SIK3: variants seen among roughly 807,000 people sequenced by gnomAD.
The protein encoded by SIK3 is SIK family kinase 3, also known as serine/threonine-protein kinase SIK3.
In SIK3, 28 loss-of-function variants were observed where a neutral mutation model predicts 144.2. The observed-to-expected ratio is 0.19, with a 90% CI of 0.14 to 0.27. The LOEUF (loss-of-function observed/expected upper bound fraction) is 0.27. SIK3 is among the 10% of genes least tolerant of loss of function. The pLI, the probability that SIK3 is intolerant of heterozygous loss-of-function variation, is 1.00. For missense variants in SIK3, 1,319 were observed against 1,776.0 expected, an observed-to-expected ratio of 0.74 and a Z score of 4.62; for synonymous variants, 686 against 676.3, an observed-to-expected ratio of 1.01 and a Z score of -0.22.
At chr11:116,930,989 T>A (rs928239884) in intron 3 of SIK3, among the ~76,000 whole-genome samples, 10 of 152,206 alleles carry the variant, frequency 6.6e-5, no homozygotes, top group Admixed American at 2.0e-4. Context: ...AAAAAAATGG[T>A]TCTCCTGTTT....
At chr11:117,071,199 A>T (rs11216263) in intron 1 of SIK3, among the ~76,000 whole-genome samples, 12,158 of 151,338 alleles carry the variant, frequency 0.08, 628 homozygotes, top group African/African-American at 0.13. Context: ...AAAAAAAAAA[A>T]AATAACATGA....
intron 1 of SIK3, among the ~76,000 whole-genome samples, chr11:117,013,951 T>TGTGTGTGTGTGTGTGTGTG (rs1350690829): frequency 2.1e-5 from 2 of 95,360 alleles, no homozygotes; most frequent in East Asian, 2.7e-4. Context: ...TGTGTGTGTG[T>TGTGTGTGTGTGTGTGTGTG]TTTATTTCTT....
At chr11:116,923,140 T>C (rs1389186090) in intron 4 of SIK3, among the ~76,000 whole-genome samples, 1 of 152,120 alleles carries the variant, frequency 6.6e-6, no homozygotes, top group Non-Finnish European at 1.5e-5. Flanking sequence ...GGTCTCAAAC[T>C]CCTGACCTCA....
At chr11:117,023,700 A>G (rs1266381916) in intron 1 of SIK3, among the ~76,000 whole-genome samples, 1 of 149,414 alleles carries the variant, frequency 6.7e-6, no homozygotes, top group East Asian at 2.0e-4. Flanking sequence ...TTTTTGACAC[A>G]GGGTCTCTCT....
Position 116,847,561 on chromosome 11 carries a change from T to G in SIK3, c.3867A>C (p.Ala1289=). 1 of 1,614,190 alleles carries G rather than the reference T, an allele frequency of 6.2e-7. No individual in the cohort carries two copies. The highest frequency in any genetic ancestry group is 8.5e-7 in the Non-Finnish European group (1 of 1,180,030). The change falls in exon 23 of 25, where the codon GCA becomes GCC. Residue 1289 remains alanine, a synonymous_variant. Coordinates refer to ENST00000445177, the MANE Select transcript of SIK3 (RefSeq NM_001366686.3). The stretch of plus-strand genomic sequence containing the variant: ...CATCCGACATCCGGGCAGAGCTAAG[T>G]GCTTTCCCAGCCACGAGACTCATTC... ...LPGMSLVAGK[A]LSSARMSDAV... is the part of the protein sequence containing the mutation.
chr11:117,095,556 T>A (rs1287490319), intron 1 of SIK3, among the ~76,000 whole-genome samples: 2 of 152,186 alleles, frequency 1.3e-5, no homozygotes, highest in Admixed American at 1.3e-4. Context: ...CTATGCACCT[T>A]CACCATTGTT....
chr11:116,997,206 C>T (rs1950699221), intron 1 of SIK3, among the ~76,000 whole-genome samples: 2 of 152,166 alleles, frequency 1.3e-5, no homozygotes, highest in South Asian at 4.1e-4. Context: ...TCCTTGGCAA[C>T]TAGTTTAAGA....
At chr11:116,992,017 T>G (rs746219542) in intron 1 of SIK3, among the ~76,000 whole-genome samples, 8 of 152,130 alleles carry the variant, frequency 5.3e-5, no homozygotes, top group Non-Finnish European at 1.2e-4. Context: ...TTCTACGTAT[T>G]TAGACATACA....
At chr11:117,003,518 C>T in intron 1 of SIK3, among the ~76,000 whole-genome samples, 1 of 152,034 alleles carries the variant, frequency 6.6e-6, no homozygotes, top group African/African-American at 2.4e-5. Context: ...TGGCTGGGAG[C>T]AGTGGCTCAT....
At chr11:117,048,985 C>T (rs1393556215) in intron 1 of SIK3, among the ~76,000 whole-genome samples, 2 of 152,056 alleles carry the variant, frequency 1.3e-5, no homozygotes, top group Admixed American at 6.6e-5. Context: ...CTTGTAATCC[C>T]GGCTACTCAG....
In SIK3 at chr11:116,918,699, T is replaced by C. The variant is rs1316721642; in HGVS notation, c.616+8520A>G. On this transcript the variant is annotated intron_variant, in intron 4 of 24. Transcript: ENST00000445177. ...GGTGTTACACTTCAGTGTTCCAAGATATACGAGAAACCGTAGGCTAAATAG... is the reference window on the plus strand; with the variant it reads ...GGTGTTACACTTCAGTGTTCCAAGACATACGAGAAACCGTAGGCTAAATAG... Among the ~76,000 whole-genome samples the C allele has an allele frequency of 3.3e-5, 5 of 152,294 alleles. No homozygotes were observed. In the South Asian group the frequency reaches 8.3e-4, roughly 25 times the overall value.
At chr11:116,886,555 C>T (rs1344381285) in intron 6 of SIK3, among the ~76,000 whole-genome samples, 1 of 152,148 alleles carries the variant, frequency 6.6e-6, no homozygotes, top group African/African-American at 2.4e-5. Context: ...TGCAGTATTA[C>T]AATTAATTAA....
intron 4 of SIK3, among the ~76,000 whole-genome samples, chr11:116,900,308 A>G (rs1301468871): frequency 6.6e-6 from 1 of 151,968 alleles, no homozygotes; most frequent in Non-Finnish European, 1.5e-5. Flanking sequence ...CTTCAACTCC[A>G]TGTGTCTTGA....
Position 116,901,563 on chromosome 11 carries a change from C to T in SIK3, c.617-4246G>A, listed in dbSNP as rs181228284. ...TAAATAATACTTCTTCTGTGAAGTC[C>T]TCCTGGATCCCCTACAAGAAATGTC... is the stretch of plus-strand genomic sequence containing the variant. On this transcript the variant is annotated intron_variant, in intron 4 of 24. Coordinates refer to ENST00000445177, the MANE Select transcript of SIK3 (RefSeq NM_001366686.3). Among the ~76,000 whole-genome samples the T allele has an allele frequency of 8.8e-4, 134 of 152,208 alleles. 2 individuals are homozygous for T. In the South Asian group the frequency reaches 0.013, roughly 15 times the overall value.
chr11:117,011,948 G>C (rs1565554565), intron 1 of SIK3, among the ~76,000 whole-genome samples: 1 of 151,980 alleles, frequency 6.6e-6, no homozygotes, highest in African/African-American at 2.4e-5. Context: ...TGGCGGTCTG[G>C]CTATCAATAC....
At chr11:116,900,524 T>C (rs912004107) in intron 4 of SIK3, among the ~76,000 whole-genome samples, 1 of 152,336 alleles carries the variant, frequency 6.6e-6, no homozygotes, top group East Asian at 1.9e-4. Context: ...AGAGTCTTCA[T>C]CTCAGCATTG....
chr11:116,922,067 G>A (rs1947014381), intron 4 of SIK3, among the ~76,000 whole-genome samples: 1 of 151,916 alleles, frequency 6.6e-6, no homozygotes, highest in Non-Finnish European at 1.5e-5. Flanking sequence ...GAATCTTATA[G>A]TATTTATGAC....
At chr11:117,066,694 C>G (rs1591641734) in intron 1 of SIK3, among the ~76,000 whole-genome samples, 1 of 152,102 alleles carries the variant, frequency 6.6e-6, no homozygotes, top group African/African-American at 2.4e-5. Context: ...TGCCAAGCAC[C>G]CAGCTAATTC....
chr11:116,873,030 T>C (rs1252503925), intron 13 of SIK3, among the ~76,000 whole-genome samples: 1 of 152,248 alleles, frequency 6.6e-6, no homozygotes, highest in Non-Finnish European at 1.5e-5. Context: ...ATCCAGGTTA[T>C]GCCAAACATG....
Sources: gnomAD v4.1 joint callset for allele counts (sites outside exome capture counted in the v4.1 genomes callset) on GRCh38, gnomAD v4.1.1 for gene constraint, MANE v1.5 for transcripts, NCBI Gene and HGNC (gene_info 2026-07-23, HGNC 2026-07-21) for gene names.